The following CAMTA1 variants were observed in gnomAD, a reference collection of about 807,000 sequenced individuals.
CAMTA1 encodes the protein calmodulin-binding transcription activator 1.
A neutral mutation model predicts 170.9 loss-of-function variants in CAMTA1; 27 were observed. The observed-to-expected ratio is 0.16, with a 90% CI of 0.12 to 0.22. The LOEUF (loss-of-function observed/expected upper bound fraction) is 0.22. CAMTA1 is among the 10% of genes least tolerant of loss of function. The probability of loss-of-function intolerance (pLI) is 1.00; values close to 1 mark genes in which losing one functional copy is unlikely to be tolerated. For missense variants in CAMTA1, 1,619 were observed against 2,217.2 expected, an observed-to-expected ratio of 0.73 and a Z score of 5.42; for synonymous variants, 833 against 891.5, an observed-to-expected ratio of 0.93 and a Z score of 1.17.
At chr1:7,115,615 A>G (rs6676903) in intron 4 of CAMTA1, among the ~76,000 whole-genome samples, 7 of 62,294 alleles carry the variant, frequency 1.1e-4, no homozygotes, top group East Asian at 6.3e-4. Context: ...AGAGCTGATG[A>G]TGTTGTTCCA....
chr1:7,340,637 T>G (rs1359695272), intron 5 of CAMTA1, among the ~76,000 whole-genome samples: 1 of 146,768 alleles, frequency 6.8e-6, no homozygotes, highest in Non-Finnish European at 1.5e-5. Context: ...TTAATTTATC[T>G]CTCTGAAGAT....
At chr1:7,651,019 C>G (rs1311140949) in intron 7 of CAMTA1, among the ~76,000 whole-genome samples, 1 of 152,200 alleles carries the variant, frequency 6.6e-6, no homozygotes, top group Non-Finnish European at 1.5e-5. Flanking sequence ...AGGAGAGGCA[C>G]GTGGCCGCTC....
intron 5 of CAMTA1, among the ~76,000 whole-genome samples, chr1:7,266,069 G>C (rs1668875688): frequency 6.6e-6 from 1 of 152,224 alleles, no homozygotes; most frequent in African/African-American, 2.4e-5. Flanking sequence ...GGATGGAGGA[G>C]CCCAGCTCCC....
chr1:7,571,925 CA>C (rs1402657999), intron 6 of CAMTA1, among the ~76,000 whole-genome samples: 2 of 152,214 alleles, frequency 1.3e-5, no homozygotes, highest in Non-Finnish European at 2.9e-5. Context: ...CTGCTCTCCA[CA>C]ATAGCTGAAC....
intron 3 of CAMTA1, among the ~76,000 whole-genome samples, chr1:6,973,752 C>T (rs920122638): frequency 6.6e-6 from 1 of 152,162 alleles, no homozygotes; most frequent in Non-Finnish European, 1.5e-5. Flanking sequence ...AAGACTCAGC[C>T]CTCACCTGGA....
At chr1:6,885,839 T>C (rs1673058789) in intron 3 of CAMTA1, among the ~76,000 whole-genome samples, 1 of 152,134 alleles carries the variant, frequency 6.6e-6, no homozygotes, top group Non-Finnish European at 1.5e-5. Context: ...TTTCTGTCCG[T>C]TCCTACTTGC....
rs1257013540 is a variant in CAMTA1 at position 7,561,125 on chromosome 1, C to G, written c.511-79275C>G. ...TCCTTTCTGAACAACGCCCAAGAAT[C>G]CAGGCATGGCCAGGGGCTGGCCGAG... On this transcript the variant is annotated intron_variant, in intron 6 of 22. Transcript: ENST00000303635. This position sits in a 1 kb window ranked among gnomAD's most constrained non-coding sequence, Gnocchi z 5.3. Among the ~76,000 whole-genome samples the G allele has an allele frequency of 2.6e-5, 4 of 152,102 alleles. No homozygotes were observed. Among genetic ancestry groups the G allele is most frequent in the Non-Finnish European group, 5.9e-5 (4 of 68,002 alleles).
chr1:6,808,617 C>T (rs1006806551), intron 1 of CAMTA1, among the ~76,000 whole-genome samples: 16 of 152,162 alleles, frequency 1.1e-4, no homozygotes, highest in African/African-American at 3.9e-4. Context: ...AGTCATGGCA[C>T]ATTTTAGTTT....
chr1:7,594,142 G>GAAAGAAA (rs1557972603), intron 6 of CAMTA1, among the ~76,000 whole-genome samples: 3 of 125,522 alleles, frequency 2.4e-5, no homozygotes, highest in African/African-American at 1.1e-4. Flanking sequence ...AAAGAAAGAA[G>GAAAGAAA]GAAGGAAGGA....
intron 7 of CAMTA1, 22 bp from the exon 8 acceptor site, chr1:7,661,704 C>G (rs772235598): frequency 8.7e-5 from 141 of 1,613,568 alleles, no homozygotes; most frequent in Admixed American, 4.5e-4. Context: ...CTCTGACAGC[C>G]CCCCTGCCTC....
In CAMTA1 at chr1:7,312,494, G is replaced by A. The variant is rs113293279; in HGVS notation, c.438+62868G>A. Among the ~76,000 whole-genome samples, 838 of 152,214 alleles carry A rather than the reference G, an allele frequency of 5.5e-3. 15 individuals are homozygous for A. The highest frequency in any genetic ancestry group is 0.019 in the African/African-American group (801 of 41,538). ...TAGGAAGCTCGTGGCTCTTTCAGGG[G>A]TGTTTCTAATTCTGGTCTTCCTCCT... On this transcript the variant is annotated intron_variant, in intron 5 of 22. Transcript: ENST00000303635.
At chr1:6,982,245 A>C (rs1694561476) in intron 3 of CAMTA1, among the ~76,000 whole-genome samples, 1 of 152,144 alleles carries the variant, frequency 6.6e-6, no homozygotes, top group African/African-American at 2.4e-5. Context: ...GCCGATGGCC[A>C]GTGTCTGGGA....
intron 6 of CAMTA1, among the ~76,000 whole-genome samples, chr1:7,631,464 G>C (rs934219761): frequency 6.6e-6 from 1 of 152,202 alleles, no homozygotes; most frequent in East Asian, 1.9e-4. Context: ...AATACCACTT[G>C]CACCTGTGGG....
At chr1:7,019,380 G>T (rs1280513761) in intron 3 of CAMTA1, among the ~76,000 whole-genome samples, 1 of 152,198 alleles carries the variant, frequency 6.6e-6, no homozygotes. Flanking sequence ...TGAGAGATTG[G>T]GTTGGGGATG....
intron 3 of CAMTA1, among the ~76,000 whole-genome samples, chr1:6,877,712 A>T (rs148982093): frequency 3.9e-5 from 6 of 152,172 alleles, no homozygotes; most frequent in Admixed American, 2.6e-4. Context: ...CAGAACTTCA[A>T]TTATTCAGGT....
chr1:7,567,121 C>G (rs932322506), intron 6 of CAMTA1, among the ~76,000 whole-genome samples: 5 of 152,204 alleles, frequency 3.3e-5, no homozygotes, highest in African/African-American at 1.2e-4. Flanking sequence ...AACTCCAGAG[C>G]AGGGGTCCGT....
At chr1:6,949,288 A>ATT in intron 3 of CAMTA1, among the ~76,000 whole-genome samples, 1 of 152,232 alleles carries the variant, frequency 6.6e-6, no homozygotes, top group Non-Finnish European at 1.5e-5. Flanking sequence ...TCTAGCAGAT[A>ATT]GGGCTGGGGC....
intron 3 of CAMTA1, among the ~76,000 whole-genome samples, chr1:7,015,505 T>A (rs542831387): frequency 6.6e-6 from 1 of 152,284 alleles, no homozygotes; most frequent in African/African-American, 2.4e-5. Flanking sequence ...AGTGTTGACA[T>A]TTTTTTCAGT....
intron 3 of CAMTA1, among the ~76,000 whole-genome samples, chr1:7,034,992 A>G (rs1238157489): frequency 6.6e-6 from 1 of 152,164 alleles, no homozygotes; most frequent in Non-Finnish European, 1.5e-5. Context: ...CAGTCACACA[A>G]ATGCTTTTCT....
Sources: allele counts gnomAD v4.1 joint callset (sites outside exome capture counted in the v4.1 genomes callset), GRCh38; gene constraint gnomAD v4.1.1; non-coding constraint Gnocchi (gnomAD v3.1); transcripts MANE v1.5; gene names NCBI Gene and HGNC (gene_info 2026-07-23, HGNC 2026-07-21).